Variants in JAK1 observed in about 807,000 individuals in gnomAD.
The protein encoded by JAK1 is tyrosine-protein kinase JAK1.
In JAK1, 16 loss-of-function variants were observed where a neutral mutation model predicts 136.6. The observed-to-expected ratio is 0.12, with a 90% confidence interval of 0.08 to 0.18. The LOEUF is 0.18. Among genes scored for constraint, JAK1 ranks in the 10% least tolerant of loss-of-function variants. The probability of loss-of-function intolerance (pLI) is 1.00; values close to 1 mark genes in which losing one functional copy is unlikely to be tolerated. For missense variants in JAK1, 859 were observed against 1,450.1 expected (o/e 0.59, Z 6.62); for synonymous variants, 492 against 519.5 (o/e 0.95, Z 0.72).
At chr1:65,065,975 A>G (rs577399412) in intron 1 of JAK1, among the ~76,000 whole-genome samples, 1 of 151,012 alleles carries the variant, frequency 6.6e-6, no homozygotes, top group Non-Finnish European at 1.5e-5. Context: ...GCAGATCACA[A>G]CTTGCCGGGG....
upstream of JAK1, among the ~76,000 whole-genome samples, chr1:64,967,136 A>AT (rs1646400336): frequency 6.6e-6 from 1 of 152,116 alleles, no homozygotes; most frequent in Non-Finnish European, 1.5e-5. Context: ...AGCGCTTTTC[A>AT]TTTTTTACTA....
intron 5 of JAK1, among the ~76,000 whole-genome samples, chr1:64,872,928 T>C (rs1657160629): frequency 6.6e-6 from 1 of 152,218 alleles, no homozygotes; most frequent in Admixed American, 6.5e-5. Context: ...TTGTTTTTTT[T>C]CTAGCGTCTA....
At chr1:64,923,911 T>C (rs185761425) in intron 1 of JAK1, among the ~76,000 whole-genome samples, 10 of 152,190 alleles carry the variant, frequency 6.6e-5, no homozygotes. Flanking sequence ...TCAAAAATAA[T>C]ATAAACTATA....
At chr1:64,887,868 G>C (rs1003065615) in intron 1 of JAK1, among the ~76,000 whole-genome samples, 4 of 152,130 alleles carry the variant, frequency 2.6e-5, no homozygotes, top group Admixed American at 6.5e-5. Flanking sequence ...TGCTTGAACA[G>C]GAAAACCTCA....
At chr1:64,850,956 A>G (rs755323341) in intron 11 of JAK1, 46 bp from the exon 12 acceptor site, 2 of 1,363,598 alleles carry the variant, frequency 1.5e-6, no homozygotes, top group Admixed American at 1.7e-5. Flanking sequence ...CCAAGATCCG[A>G]GCTCTCAGAC....
chr1:64,873,062 C>T (rs55869683), intron 5 of JAK1, among the ~76,000 whole-genome samples: 22,782 of 152,114 alleles, frequency 0.15, 1,812 homozygotes, highest in East Asian at 0.31. Context: ...CAGAGCTTCC[C>T]TCTGACCTCT....
intron 5 of JAK1, among the ~76,000 whole-genome samples, chr1:64,872,709 C>A (rs551917994): frequency 6.6e-6 from 1 of 151,760 alleles, no homozygotes; most frequent in East Asian, 1.9e-4. Flanking sequence ...ATTAAAACAA[C>A]GAAGATCAAT....
chr1:64,914,629 T>C (rs1645360537), intron 1 of JAK1, among the ~76,000 whole-genome samples: 1 of 152,208 alleles, frequency 6.6e-6, no homozygotes, highest in Non-Finnish European at 1.5e-5. Context: ...AGTGGCGTGA[T>C]CTCAGCTCAC....
intron 2 of JAK1, among the ~76,000 whole-genome samples, chr1:65,000,257 A>T (rs1453660547): frequency 2.0e-5 from 3 of 152,100 alleles, no homozygotes; most frequent in Non-Finnish European, 4.4e-5. Context: ...TAAGTCTTAA[A>T]AGATCATTGT....
chr1:65,013,218 A>C (rs373343187), intron 2 of JAK1, among the ~76,000 whole-genome samples: 60 of 151,274 alleles, frequency 4.0e-4, no homozygotes, highest in African/African-American at 1.4e-3. Context: ...CAACATGGTG[A>C]ATCCCCATCT....
intron 1 of JAK1, among the ~76,000 whole-genome samples, chr1:64,922,927 C>G (rs1645520507): frequency 1.3e-5 from 2 of 152,176 alleles, no homozygotes; most frequent in South Asian, 4.1e-4. Context: ...TCAATTCGCT[C>G]TCACCTAACT....
At chr1:64,839,077 C>T (rs535173273) in intron 20 of JAK1, among the ~76,000 whole-genome samples, 443 of 132,842 alleles carry the variant, frequency 3.3e-3, no homozygotes, top group Non-Finnish European at 4.8e-3. Flanking sequence ...ACCCGGGAGG[C>T]GGAGCTTGCA....
At chr1:64,962,068 A>G (rs1569751804) in intron 1 of JAK1, among the ~76,000 whole-genome samples, 2 of 152,206 alleles carry the variant, frequency 1.3e-5, no homozygotes, top group African/African-American at 4.8e-5. Context: ...ACATTCTACA[A>G]TCACAAAGAT....
At chr1:64,993,436 A>G (rs1292835556) in intron 2 of JAK1, 2 of 152,120 alleles carry the variant, frequency 1.3e-5, no homozygotes, top group African/African-American at 4.8e-5. Flanking sequence ...TGCCCTACAC[A>G]GTGTAGGTGC....
chr1:64,931,620 G>C (rs1186468466), intron 1 of JAK1, among the ~76,000 whole-genome samples: 3 of 152,042 alleles, frequency 2.0e-5, no homozygotes, highest in Non-Finnish European at 4.4e-5. Context: ...GCATTCAGAG[G>C]CCTCAACCTT....
chr1:64,916,819 TGACA>T, intron 1 of JAK1, among the ~76,000 whole-genome samples: 1 of 146,894 alleles, frequency 6.8e-6, no homozygotes, highest in South Asian at 2.2e-4. Flanking sequence ...CCAGCCTGGG[TGACA>T]GAGTGAGACC....
intron 1 of JAK1, among the ~76,000 whole-genome samples, chr1:65,054,273 A>G (rs1048267430): frequency 6.6e-6 from 1 of 152,154 alleles, no homozygotes; most frequent in Non-Finnish European, 1.5e-5. Context: ...CCTTTAATGA[A>G]GCTGCTAATA....
At chr1:64,903,065 C>T (rs1271398156) in intron 1 of JAK1, among the ~76,000 whole-genome samples, 1 of 152,134 alleles carries the variant, frequency 6.6e-6, no homozygotes, top group Admixed American at 6.6e-5. Context: ...TTGCTCTTGT[C>T]ACCCAGGCTG....
At chr1:65,039,574 C>T (rs1647110797) in intron 2 of JAK1, among the ~76,000 whole-genome samples, 1 of 152,152 alleles carries the variant, frequency 6.6e-6, no homozygotes, top group South Asian at 2.1e-4. Flanking sequence ...GTTTGACTGA[C>T]TCTTTTACAC....
Sources: allele counts gnomAD v4.1 joint callset (sites outside exome capture counted in the v4.1 genomes callset), GRCh38; gene constraint gnomAD v4.1.1; transcripts MANE v1.5; gene names NCBI Gene and HGNC (gene_info 2026-07-23, HGNC 2026-07-21).